CD109: variants seen among roughly 807,000 people sequenced by gnomAD.
The protein encoded by CD109 is CD109 antigen.
Under a neutral mutation model 165.8 loss-of-function variants are expected in CD109, and 149 were observed. That is an observed-to-expected ratio of 0.90 (90% CI 0.79 to 1.03). CD109 has a LOEUF of 1.03. Ranked by LOEUF, CD109 falls within the 50% of genes least tolerant of loss-of-function variation. CD109 has a pLI of 0.00. For missense variants in CD109, 1,712 were observed against 1,677.8 expected, an observed-to-expected ratio of 1.02 and a Z score of -0.36; for synonymous variants, 585 against 592.1, an observed-to-expected ratio of 0.99 and a Z score of 0.18.
chr6:73,762,070 C>T (rs1773656971), intron 7 of CD109, among the ~76,000 whole-genome samples: 1 of 152,074 alleles, frequency 6.6e-6, no homozygotes, highest in Non-Finnish European at 1.5e-5. Context: ...TCAAGCAGTT[C>T]TCCTGCCTCA....
At chr6:73,710,251 A>T (rs971061163) in intron 2 of CD109, among the ~76,000 whole-genome samples, 3 of 152,220 alleles carry the variant, frequency 2.0e-5, no homozygotes, top group Non-Finnish European at 4.4e-5. Context: ...AAGTCTCAGG[A>T]TACAAAATCA....
chr6:73,685,168 C>A, the CD109 span, among the ~76,000 whole-genome samples: 1 of 152,098 alleles, frequency 6.6e-6, no homozygotes. Context: ...TCCCAAAGTG[C>A]TGGGATTATA....
the CD109 span, among the ~76,000 whole-genome samples, chr6:73,686,078 T>C: frequency 2.0e-5 from 3 of 152,244 alleles, no homozygotes; most frequent in East Asian, 5.8e-4. Flanking sequence ...TGTGCTATGC[T>C]GTGCTGAGTA....
At chr6:73,699,305 T>C (rs1053613287) in intron 2 of CD109, among the ~76,000 whole-genome samples, 1 of 152,040 alleles carries the variant, frequency 6.6e-6, no homozygotes, top group Non-Finnish European at 1.5e-5. Context: ...TAAAGCCCTA[T>C]GACAGGCATT....
the CD109 span, among the ~76,000 whole-genome samples, chr6:73,684,184 C>G: frequency 6.6e-6 from 1 of 150,870 alleles, no homozygotes; most frequent in Admixed American, 6.6e-5. Context: ...TTTTGAGGAG[C>G]CTCTGTATTG....
the CD109 span, among the ~76,000 whole-genome samples, chr6:73,683,271 T>C: frequency 6.9e-4 from 105 of 152,318 alleles, no homozygotes; most frequent in African/African-American, 2.4e-3. Flanking sequence ...AGAAATTTCT[T>C]CCACCAGATA....
At chr6:73,791,162 T>TATACACACACATACAC (rs1774931751) in intron 22 of CD109, among the ~76,000 whole-genome samples, 1 of 36,330 alleles carries the variant, frequency 2.8e-5, no homozygotes, top group African/African-American at 1.0e-4. Flanking sequence ...TATATATATA[T>TATACACACACATACAC]ATATATATAT....
At chr6:73,772,632 C>T (rs149835268) in intron 15 of CD109, among the ~76,000 whole-genome samples, 91 of 151,760 alleles carry the variant, frequency 6.0e-4, no homozygotes, top group African/African-American at 2.1e-3. Context: ...GAACATCTAG[C>T]ATTGCATAAA....
In CD109 at chr6:73,782,766, A is replaced by T; in HGVS notation, c.2105+11A>T. The stretch of plus-strand genomic sequence containing the variant: ...AGACACCAACATGGGGTAAAAATTT[A>T]TAAAGTTCTTTGCCCATACATATTT... On this transcript the variant is annotated intron_variant, in intron 18 of 32. Transcript: ENST00000287097. The T allele has an allele frequency of 6.2e-7, 1 of 1,612,770 alleles. No homozygotes were observed. Among genetic ancestry groups the T allele is most frequent in the Non-Finnish European group, 8.5e-7 (1 of 1,179,294 alleles).
intron 15 of CD109, among the ~76,000 whole-genome samples, chr6:73,780,040 A>C (rs1255801539): frequency 7.5e-6 from 1 of 134,054 alleles, no homozygotes; most frequent in Non-Finnish European, 1.6e-5. Context: ...TTGTAAATTT[A>C]GGTCACTGAC....
rs1159968568 is a variant in CD109 at position 73,823,589 on chromosome 6, A to T, written c.4294A>T (p.Ile1432Phe). Residue 1432 changes from isoleucine to phenylalanine, a missense_variant, in exon 33 of 33, where the codon ATT (isoleucine) becomes TTT (phenylalanine). Coordinates refer to ENST00000287097, the MANE Select transcript of CD109 (RefSeq NM_133493.5). ...CCATCATCACTCTTCAGTCATTTTT[A>T]TTTTCTGTTTCAAGCTTCTGTACTT... is the stretch of plus-strand genomic sequence containing the variant. ...GSHHHSSVIF[I>F]FCFKLLYFME... is the part of the protein sequence containing the mutation. 6.2e-7 allele frequency: 1 copy of T among 1,612,926 alleles called. No homozygotes were observed. The highest frequency in any genetic ancestry group is 8.5e-7 in the Non-Finnish European group (1 of 1,179,682).
At chr6:73,687,818 C>T in the CD109 span, among the ~76,000 whole-genome samples, 8 of 152,110 alleles carry the variant, frequency 5.3e-5, no homozygotes, top group East Asian at 1.9e-4. Context: ...CTACCATGAC[C>T]GCAAGAAGGA....
intron 23 of CD109, among the ~76,000 whole-genome samples, chr6:73,802,259 G>A (rs894198085): frequency 2.6e-5 from 2 of 76,590 alleles, no homozygotes; most frequent in African/African-American, 1.2e-4. Context: ...ATGTGTATAT[G>A]TGTGTGTGTG....
intron 14 of CD109, among the ~76,000 whole-genome samples, chr6:73,768,540 T>TG (rs1336633644): frequency 6.6e-6 from 1 of 152,166 alleles, no homozygotes; most frequent in Admixed American, 6.5e-5. Flanking sequence ...GAAATTCCAG[T>TG]GGTAACATAG....
intron 3 of CD109, among the ~76,000 whole-genome samples, chr6:73,726,412 A>T (rs992252978): frequency 6.6e-6 from 1 of 152,214 alleles, no homozygotes; most frequent in Non-Finnish European, 1.5e-5. Flanking sequence ...ATTTGATTAG[A>T]AATGTTTTTA....
intron 23 of CD109, among the ~76,000 whole-genome samples, chr6:73,799,123 T>C (rs1373702734): frequency 6.6e-6 from 1 of 152,194 alleles, no homozygotes; most frequent in Non-Finnish European, 1.5e-5. Flanking sequence ...TTTGTGAACA[T>C]TAATTATTTT....
At chr6:73,696,155 A>G (rs1770817927), upstream of CD109, 4 of 1,499,526 alleles carry the variant, frequency 2.7e-6, no homozygotes. Flanking sequence ...GGCAAGCCAC[A>G]CCCCACGGTG....
intron 20 of CD109, among the ~76,000 whole-genome samples, chr6:73,785,993 A>C (rs1774676297): frequency 6.6e-6 from 1 of 151,920 alleles, no homozygotes; most frequent in Non-Finnish European, 1.5e-5. Context: ...ACAAGGGTGC[A>C]CCACCACGCC....
Position 73,827,890 on chromosome 6 carries a change from T to C in CD109, c.*4257T>C, listed in dbSNP as rs924812978. On this transcript the variant is annotated 3_prime_UTR_variant, in exon 33 of 33. Transcript: ENST00000287097. Reference sequence around the variant, plus strand: ...TTAAGAATCATTCTATCTTATGTTGTCTTGAGGCCAAGATTTACCACGTTT... The same window carrying C: ...TTAAGAATCATTCTATCTTATGTTGCCTTGAGGCCAAGATTTACCACGTTT... 1 of 154,454 alleles carries C rather than the reference T, an allele frequency of 6.5e-6. No homozygotes were observed. The highest frequency in any genetic ancestry group is 1.5e-5 in the Non-Finnish European group (1 of 68,218). The allele number at this position is 154,454 out of a possible 1,614,324, so 9.6% of individuals were successfully genotyped here.
Sources: allele counts gnomAD v4.1 joint callset (sites outside exome capture counted in the v4.1 genomes callset), GRCh38; gene constraint gnomAD v4.1.1; transcripts MANE v1.5; gene names NCBI Gene and HGNC (gene_info 2026-07-23, HGNC 2026-07-21).